Variants in VPS13C observed in about 807,000 individuals in gnomAD.
The protein encoded by VPS13C is vacuolar protein sorting 13 homolog C.
Under a neutral mutation model 456.8 loss-of-function variants are expected in VPS13C, and 358 were observed. The observed-to-expected ratio is 0.78, with a 90% CI of 0.72 to 0.86. The LOEUF (loss-of-function observed/expected upper bound fraction) is 0.86, where lower values mean the gene tolerates loss of function less well. VPS13C is among the 40% of genes least tolerant of loss of function. The pLI is 0.00. For synonymous variants in VPS13C, 1,578 were observed against 1,486.7 expected, an observed-to-expected ratio of 1.06 and a Z score of -1.41; for missense variants, 4,818 against 4,385.4, an observed-to-expected ratio of 1.10 and a Z score of -2.79.
intron 9 of VPS13C, among the ~76,000 whole-genome samples, chr15:62,015,718 T>C (rs576045595): frequency 0.017 from 2,073 of 125,290 alleles, 19 homozygotes; most frequent in African/African-American, 0.028. Context: ...TAGGTGGGAA[T>C]TGAACAATGA....
At chr15:61,960,691 C>G (rs907034988) in intron 35 of VPS13C, among the ~76,000 whole-genome samples, 2 of 152,152 alleles carry the variant, frequency 1.3e-5, no homozygotes, top group Non-Finnish European at 2.9e-5. Context: ...ACTGGTGAAT[C>G]TAGATGAAGG....
Position 61,873,182 on chromosome 15 carries a change from C to T in VPS13C, c.10578+64G>A, listed in dbSNP as rs1895160070. ...CATAAGCAGCATTCTAAGTTTCACA[C>T]AACCAGCTAGAATACACTTTTTTTT... is the stretch of plus-strand genomic sequence containing the variant. On this transcript the variant is annotated intron_variant, in intron 78 of 84. Coordinates refer to ENST00000644861, the MANE Select transcript of VPS13C (RefSeq NM_020821.3). 3.8e-6 allele frequency: 6 copies of T among 1,597,176 alleles called. No homozygotes were observed. In the Admixed American group the frequency reaches 8.5e-5, roughly 23 times the overall value.
intron 78 of VPS13C, among the ~76,000 whole-genome samples, chr15:61,872,905 C>T (rs1895141744): frequency 6.6e-6 from 1 of 152,088 alleles, no homozygotes; most frequent in African/African-American, 2.4e-5. Flanking sequence ...AATTTTCACA[C>T]ATCCCTTCCA....
At chr15:62,006,273 G>C (rs1041742683) in intron 15 of VPS13C, among the ~76,000 whole-genome samples, 4 of 151,856 alleles carry the variant, frequency 2.6e-5, no homozygotes, top group Non-Finnish European at 5.9e-5. Flanking sequence ...CCCCACAACA[G>C]TCCCCGGTGT....
At chr15:62,019,650 G>C (rs1054359486) in intron 9 of VPS13C, among the ~76,000 whole-genome samples, 5 of 151,996 alleles carry the variant, frequency 3.3e-5, no homozygotes, top group Admixed American at 3.3e-4. Flanking sequence ...TGTGGTCTGA[G>C]AGACTGTTTG....
chr15:61,880,583 T>C, intron 73 of VPS13C, 26 bp downstream of exon 73: 1 of 1,479,022 alleles, frequency 6.8e-7, no homozygotes, highest in African/African-American at 1.4e-5. Flanking sequence ...TTTCACTAAA[T>C]TTTCAAAATA....
chr15:61,967,812 G>A (rs927955016), intron 28 of VPS13C, among the ~76,000 whole-genome samples: 2 of 151,786 alleles, frequency 1.3e-5, no homozygotes, highest in Admixed American at 1.3e-4. Context: ...TTTTCCTTAA[G>A]AGAGAACTGT....
intron 16 of VPS13C, among the ~76,000 whole-genome samples, chr15:61,998,395 G>C (rs1249049360): frequency 2.0e-5 from 3 of 151,924 alleles, no homozygotes; most frequent in African/African-American, 4.8e-5. Flanking sequence ...ATTTTTGTCT[G>C]TTTTGTTCAT....
intron 16 of VPS13C, among the ~76,000 whole-genome samples, chr15:62,000,113 G>A (rs140794977): frequency 6.6e-6 from 1 of 152,184 alleles, no homozygotes; most frequent in East Asian, 1.9e-4. Flanking sequence ...TGTAATCCCA[G>A]CACTTTGAGA....
At chr15:61,926,703 G>C (rs373150186) in intron 52 of VPS13C, among the ~76,000 whole-genome samples, 3 of 152,160 alleles carry the variant, frequency 2.0e-5, no homozygotes, top group East Asian at 3.9e-4. Context: ...AATAACAGCA[G>C]AACACCACCG....
At chr15:62,013,238 A>T in intron 10 of VPS13C, 119 bp from the exon 11 acceptor site, 1 of 555,180 alleles carries the variant, frequency 1.8e-6, no homozygotes, top group Non-Finnish European at 3.0e-6. Context: ...TTGAATTTTT[A>T]AAGGAAAGAA....
intron 68 of VPS13C, 70 bp from the exon 69 acceptor site, chr15:61,882,806 G>T: frequency 7.1e-7 from 1 of 1,412,898 alleles, no homozygotes; most frequent in Non-Finnish European, 9.3e-7. Context: ...TTTAATATCT[G>T]TTTATTGATC....
chr15:61,958,732 T>C lies in VPS13C; in HGVS notation c.4057-16A>G. ...TTAGACTAACCTGTAAAATATTATG[T>C]TAAAAAAAAAACTATATTACGTTTT... On this transcript the variant is annotated splice_polypyrimidine_tract_variant and intron_variant, in intron 36 of 84. Transcript: ENST00000644861. 1 of 1,341,926 alleles carries C rather than the reference T, an allele frequency of 7.5e-7. No homozygotes were observed. Among genetic ancestry groups the C allele is most frequent in the Non-Finnish European group, 1.0e-6 (1 of 988,860 alleles). 83.1% of individuals were successfully genotyped at this position (1,341,926 alleles called of 1,614,324 possible). A position where few individuals can be genotyped will look rare whatever the true frequency, so the allele number is the denominator to read the frequency against.
rs980536979 is a variant in VPS13C at position 61,967,423 on chromosome 15, A to C, written c.2936T>G (p.Leu979Trp). Residue 979 changes from leucine to tryptophan, a missense_variant, in exon 29 of 85, where the codon TTG becomes TGG. Transcript: ENST00000644861. ...TCCAGGTTTGTCAGAAGAGCTAATC[A>C]AGTGAAGGGGCTTCCTTTTGGATCC... ...IEGSKRKPLH[L>W]ISSSDKPGLD... 4.4e-6 allele frequency: 7 copies of C among 1,603,462 alleles called. No homozygotes were observed. The highest frequency in any genetic ancestry group is 6.0e-6 in the Non-Finnish European group (7 of 1,175,630).
chr15:62,020,924 C>T (rs2047439015), intron 8 of VPS13C, among the ~76,000 whole-genome samples: 1 of 151,874 alleles, frequency 6.6e-6, no homozygotes, highest in African/African-American at 2.4e-5. Context: ...TTTAATAACA[C>T]TTAGGGTACA....
intron 47 of VPS13C, among the ~76,000 whole-genome samples, chr15:61,940,041 T>C (rs1567027074): frequency 6.6e-6 from 1 of 152,080 alleles, no homozygotes; most frequent in Non-Finnish European, 1.5e-5. Flanking sequence ...CACATTTGCC[T>C]ATTAAAATGG....
At chr15:61,897,735 A>T (rs4775448) in intron 66 of VPS13C, among the ~76,000 whole-genome samples, 86,698 of 151,730 alleles carry the variant, frequency 0.57, 24,999 homozygotes, top group Admixed American at 0.64. Flanking sequence ...ACGTTCAGAT[A>T]CAGGAAATAC....
intron 27 of VPS13C, among the ~76,000 whole-genome samples, chr15:61,970,426 T>C (rs1330061837): frequency 4.6e-5 from 7 of 152,048 alleles, no homozygotes; most frequent in Non-Finnish European, 1.0e-4. Context: ...CAGAATAATA[T>C]AAATACTGAA....
chr15:61,952,700 AAGTT>A (rs1390471108), intron 38 of VPS13C, among the ~76,000 whole-genome samples: 1 of 151,984 alleles, frequency 6.6e-6, no homozygotes, highest in Non-Finnish European at 1.5e-5. Context: ...ATTCCTTTAA[AAGTT>A]TGTTTGTTTG....
Sources: gnomAD v4.1 joint callset for allele counts (sites outside exome capture counted in the v4.1 genomes callset) on GRCh38, gnomAD v4.1.1 for gene constraint, MANE v1.5 for transcripts, NCBI Gene and HGNC (gene_info 2026-07-23, HGNC 2026-07-21) for gene names.